Variants in NALCN observed in about 807,000 individuals in gnomAD.
NALCN encodes the protein sodium leak channel NALCN.
NALCN carries 111 observed loss-of-function variants against 225.3 expected under a neutral mutation model. That is an observed-to-expected ratio of 0.49 (90% CI 0.42 to 0.58). The LOEUF (loss-of-function observed/expected upper bound fraction) is 0.58, where lower values mean the gene tolerates loss of function less well. NALCN is among the 20% of genes least tolerant of loss of function. The pLI is 0.00. For missense variants in NALCN, 1,378 were observed against 2,202.4 expected (o/e 0.63, Z 7.49); for synonymous variants, 764 against 769.0 (o/e 0.99, Z 0.11).
At chr13:101,346,572 A>G (rs2045745822) in intron 6 of NALCN, among the ~76,000 whole-genome samples, 1 of 152,174 alleles carries the variant, frequency 6.6e-6, no homozygotes, top group South Asian at 2.1e-4. Flanking sequence ...ATCCCATAGG[A>G]AAGAGAGATT....
intron 37 of NALCN, among the ~76,000 whole-genome samples, chr13:101,070,549 T>C (rs2032798278): frequency 6.6e-6 from 1 of 152,238 alleles, no homozygotes; most frequent in Non-Finnish European, 1.5e-5. Context: ...ATGGATGTTG[T>C]GTTAGCAGGC....
intron 6 of NALCN, among the ~76,000 whole-genome samples, chr13:101,371,165 T>C (rs886302505): frequency 5.3e-5 from 8 of 152,348 alleles, no homozygotes; most frequent in Non-Finnish European, 1.0e-4. Flanking sequence ...GATGGAAATT[T>C]GGGTTGTCAC....
intron 15 of NALCN, among the ~76,000 whole-genome samples, chr13:101,160,146 G>A (rs1351619777): frequency 1.3e-5 from 2 of 152,062 alleles, no homozygotes; most frequent in Admixed American, 6.6e-5. Flanking sequence ...AGTAGAGACA[G>A]GGTTTCACCA....
Position 101,322,495 on chromosome 13 carries a change from A to G in NALCN, c.799+22771T>C, listed in dbSNP as rs181839955. Among the ~76,000 whole-genome samples, 402 of 152,324 alleles carry G rather than the reference A, an allele frequency of 2.6e-3. 2 individuals carry two copies. Among genetic ancestry groups the G allele is most frequent in the African/African-American group, 8.8e-3 (364 of 41,578 alleles). ...AAAATGTTTCCAGTTTATTAATTCA[A>G]TATTTTTAAACAGACTATCAAAGAA... On this transcript the variant is annotated intron_variant, in intron 7 of 43. Transcript: ENST00000251127.
At chr13:101,346,631 GATA>G (rs1334931252) in intron 6 of NALCN, among the ~76,000 whole-genome samples, 1 of 152,048 alleles carries the variant, frequency 6.6e-6, no homozygotes, top group Non-Finnish European at 1.5e-5. Context: ...CCTTTAGGTG[GATA>G]ATGACATAAC....
chr13:101,079,159 A>G (rs1292936116), intron 34 of NALCN, among the ~76,000 whole-genome samples: 3 of 152,168 alleles, frequency 2.0e-5, no homozygotes, highest in African/African-American at 7.2e-5. Flanking sequence ...AGTTTTGGGT[A>G]TTTCTTCATA....
chr13:101,383,069 C>T (rs926368963), intron 3 of NALCN, among the ~76,000 whole-genome samples: 16 of 151,770 alleles, frequency 1.1e-4, no homozygotes, highest in African/African-American at 3.6e-4. Context: ...CAGCATTTTT[C>T]CATTTGTAAA....
chr13:101,082,050 G>A (rs1213075732), intron 33 of NALCN, among the ~76,000 whole-genome samples: 1 of 152,102 alleles, frequency 6.6e-6, no homozygotes, highest in Non-Finnish European at 1.5e-5. Context: ...GCTAATTTTT[G>A]TATTTTTAGT....
intron 4 of NALCN, among the ~76,000 whole-genome samples, chr13:101,377,411 T>C (rs1375473237): frequency 6.6e-6 from 1 of 152,118 alleles, no homozygotes. Flanking sequence ...GAAAATAAAG[T>C]AATAGAGAAA....
At chr13:101,057,750 T>G in intron 43 of NALCN, 189 bp downstream of exon 43, 1 of 610,438 alleles carries the variant, frequency 1.6e-6, no homozygotes, top group East Asian at 2.9e-5. Flanking sequence ...GGGGCTAATG[T>G]AAGTCATATT....
Position 101,173,957 on chromosome 13 carries a change from A to T in NALCN, c.1839+2343T>A, listed in dbSNP as rs368988103. Among the ~76,000 whole-genome samples, 25 of 152,332 alleles carry T rather than the reference A, an allele frequency of 1.6e-4. No individual in the cohort carries two copies. The East Asian group carries it at 4.6e-3, about 28-fold the overall frequency. ...TGAGAATGTGTGTGTTTTTAAAAAT[A>T]TGCAAATGAGCCCTACCTTAAAGGC... On this transcript the variant is annotated intron_variant, in intron 15 of 43. Transcript: ENST00000251127.
chr13:101,166,939 T>C (rs1352613627), intron 15 of NALCN, among the ~76,000 whole-genome samples: 2 of 152,186 alleles, frequency 1.3e-5, no homozygotes, highest in Non-Finnish European at 2.9e-5. Context: ...GTGTGTGGTA[T>C]CCAATTTTTC....
At position 101,138,835 on chromosome 13, in the gene NALCN, A is replaced by G. The variant is rs780136202; in HGVS notation, c.2118+4245T>C. ...TTAAGGAAACTAGAGTTTAATTTCA[A>G]TAATATGGAGGAAAAATACAAGTAG... On this transcript the variant is annotated intron_variant, in intron 17 of 43. Coordinates refer to ENST00000251127, the MANE Select transcript of NALCN (RefSeq NM_052867.4). 6.6e-5 allele frequency among the ~76,000 whole-genome samples: 10 copies of G among 152,334 alleles called. No homozygotes were observed. In the South Asian group the frequency reaches 1.2e-3, roughly 19 times the overall value.
At chr13:101,341,131 T>C (rs1201492156) in intron 7 of NALCN, among the ~76,000 whole-genome samples, 6 of 152,208 alleles carry the variant, frequency 3.9e-5, no homozygotes, top group Non-Finnish European at 8.8e-5. Flanking sequence ...TAATTTATAA[T>C]ATTTACATTG....
intron 14 of NALCN, among the ~76,000 whole-genome samples, chr13:101,187,863 G>A (rs2039513633): frequency 6.6e-6 from 1 of 152,188 alleles, no homozygotes; most frequent in Non-Finnish European, 1.5e-5. Flanking sequence ...TTTAGACGTT[G>A]AGGGTCATGA....
At chr13:101,301,423 T>C (rs1003606425) in intron 7 of NALCN, among the ~76,000 whole-genome samples, 2 of 152,150 alleles carry the variant, frequency 1.3e-5, no homozygotes, top group African/African-American at 2.4e-5. Flanking sequence ...CCATTAGTTG[T>C]CTTAAGAAGA....
intron 5 of NALCN, 44 bp downstream of exon 5, chr13:101,376,873 C>T (rs879261153): frequency 1.6e-5 from 26 of 1,612,656 alleles, no homozygotes; most frequent in South Asian, 2.2e-5. Flanking sequence ...TTACAAAAAA[C>T]TTCATAAACT....
At chr13:101,110,556 C>T (rs2035371840) in intron 20 of NALCN, 63 bp downstream of exon 20, 1 of 1,543,994 alleles carries the variant, frequency 6.5e-7, no homozygotes, top group African/African-American at 1.4e-5. Context: ...ATTGTCTAAG[C>T]AGTCATTTAA....
At chr13:101,152,101 G>A (rs971150353) in intron 15 of NALCN, among the ~76,000 whole-genome samples, 1 of 152,152 alleles carries the variant, frequency 6.6e-6, no homozygotes, top group African/African-American at 2.4e-5. Flanking sequence ...AGGTCAAAGT[G>A]GGGTTTTCAA....
Sources: gnomAD v4.1 joint callset for allele counts (sites outside exome capture counted in the v4.1 genomes callset) on GRCh38, gnomAD v4.1.1 for gene constraint, MANE v1.5 for transcripts, NCBI Gene and HGNC (gene_info 2026-07-23, HGNC 2026-07-21) for gene names.